Variants in LVRN observed in about 807,000 individuals in gnomAD.
LVRN encodes the protein laeverin, also known as aminopeptidase Q.
LVRN carries 99 observed loss-of-function variants against 111.4 expected under a neutral mutation model. The ratio of observed to expected loss-of-function variants is 0.89; its 90% CI spans 0.76 to 1.05. LVRN has a LOEUF of 1.05. Ranked by LOEUF, LVRN falls within the 50% of genes least tolerant of loss-of-function variation. The pLI is 0.00. For synonymous variants in LVRN, 488 were observed against 449.5 expected (o/e 1.09, Z -1.08); for missense variants, 1,414 against 1,206.8 (o/e 1.17, Z -2.54).
At chr5:115,974,137 C>G (rs1405866283) in intron 1 of LVRN, among the ~76,000 whole-genome samples, 1 of 152,170 alleles carries the variant, frequency 6.6e-6, no homozygotes, top group Non-Finnish European at 1.5e-5. Context: ...ACTACTTCAT[C>G]TAGTCTCTTT....
intron 14 of LVRN, among the ~76,000 whole-genome samples, chr5:116,012,159 G>A (rs1748504310): frequency 6.6e-6 from 1 of 151,970 alleles, no homozygotes; most frequent in Non-Finnish European, 1.5e-5. Flanking sequence ...TGTAACATTG[G>A]TATTATGGTA....
Position 115,963,037 on chromosome 5 carries a change from C to T in LVRN, c.420C>T (p.Ala140=), listed in dbSNP as rs1015662507. 1 of 1,613,524 alleles carries T rather than the reference C, an allele frequency of 6.2e-7. No homozygotes were observed. The highest frequency in any genetic ancestry group is 1.7e-5 in the Admixed American group (1 of 60,010). The change falls in exon 1 of 20, where the codon GCC becomes GCT. Residue 140 remains alanine, a synonymous_variant. Coordinates refer to ENST00000357872, the MANE Select transcript of LVRN (RefSeq NM_173800.5). The part of the protein sequence containing the change: ...RVNITVRCTV[A]TSRLLLHSLF... ...ACATCACGGTGCGCTGCACGGTGGC[C>T]ACCTCTCGACTGCTGCTGCATAGCC...
At position 116,026,107 on chromosome 5, in the gene LVRN, A is replaced by G. The variant is rs1306782292; in HGVS notation, c.2962A>G (p.Arg988Gly). 1 of 1,613,806 alleles carries G rather than the reference A, an allele frequency of 6.2e-7. No homozygotes were observed. Residue 988 changes from arginine to glycine, a missense_variant, in exon 20 of 20, where the codon AGA (arginine) becomes GGA (glycine). Transcript: ENST00000357872. ...LSARIAAWLR[R>G]NT is the part of the protein sequence containing the mutation. ...TGCCAGGATAGCTGCGTGGCTAAGG[A>G]GAAACACATAGCTTGTGGCTATCTT...
chr5:116,009,092 T>C (rs1268865406), intron 13 of LVRN, among the ~76,000 whole-genome samples: 5 of 152,206 alleles, frequency 3.3e-5, no homozygotes, highest in Non-Finnish European at 7.3e-5. Flanking sequence ...AGCTTTAAGT[T>C]GAAGCCAATG....
chr5:115,994,320 T>C (rs1340604046), intron 6 of LVRN, among the ~76,000 whole-genome samples: 2 of 152,210 alleles, frequency 1.3e-5, no homozygotes, highest in African/African-American at 4.8e-5. Context: ...TCACCCAAAC[T>C]GGAGTGTGGT....
intron 3 of LVRN, 145 bp from the exon 4 acceptor site, chr5:115,987,668 A>T: frequency 2.2e-6 from 2 of 917,324 alleles, no homozygotes; most frequent in Non-Finnish European, 3.2e-6. Context: ...TTCTCAGGAC[A>T]TGTAAGCATG....
chr5:116,002,987 G>C, intron 11 of LVRN, 76 bp downstream of exon 11: 2 of 1,258,556 alleles, frequency 1.6e-6, no homozygotes. Flanking sequence ...GAAAAGTCTA[G>C]CTTTTGAAAA....
chr5:115,972,520 GT>G (rs1316863486), intron 1 of LVRN, among the ~76,000 whole-genome samples: 2 of 151,030 alleles, frequency 1.3e-5, no homozygotes, highest in Non-Finnish European at 3.0e-5. Flanking sequence ...CTCTACATAG[GT>G]TGTCATACTG....
chr5:116,013,606 C>A (rs73263182), intron 15 of LVRN, among the ~76,000 whole-genome samples: 12,027 of 152,022 alleles, frequency 0.079, 669 homozygotes, highest in East Asian at 0.24. Flanking sequence ...TGTCTCTCAG[C>A]GGACCTCCAC....
chr5:115,996,297 T>G (rs900076204), intron 6 of LVRN, among the ~76,000 whole-genome samples: 6 of 152,370 alleles, frequency 3.9e-5, no homozygotes, highest in Middle Eastern at 3.4e-3. Context: ...TTGCAAAACT[T>G]GCCAAAAACA....
chr5:116,022,689 T>C (rs1748757152), intron 19 of LVRN, among the ~76,000 whole-genome samples: 2 of 152,362 alleles, frequency 1.3e-5, no homozygotes, highest in African/African-American at 2.4e-5. Flanking sequence ...CTCACCTGAA[T>C]GCAGGGGACT....
At chr5:115,971,291 T>C (rs1163595418) in intron 1 of LVRN, among the ~76,000 whole-genome samples, 9 of 152,332 alleles carry the variant, frequency 5.9e-5, no homozygotes, top group African/African-American at 2.2e-4. Context: ...TGTCTTTGTA[T>C]TCTTTTAATA....
At chr5:115,985,864 C>T (rs554620909) in intron 3 of LVRN, among the ~76,000 whole-genome samples, 2 of 152,318 alleles carry the variant, frequency 1.3e-5, no homozygotes, top group South Asian at 4.1e-4. Flanking sequence ...GACACGTAGA[C>T]TTCATCAAGC....
intron 1 of LVRN, among the ~76,000 whole-genome samples, chr5:115,972,473 T>C (rs1484031579): frequency 2.0e-5 from 3 of 151,846 alleles, no homozygotes; most frequent in Non-Finnish European, 4.4e-5. Flanking sequence ...TTAGCATCTT[T>C]TTATTTAAAA....
At chr5:116,022,336 A>T in intron 18 of LVRN, 55 bp from the exon 19 acceptor site, 1 of 1,231,780 alleles carries the variant, frequency 8.1e-7, no homozygotes, top group Non-Finnish European at 1.2e-6. Context: ...TATAAAATAT[A>T]GCTTTATTTT....
In LVRN at chr5:115,993,775, A is replaced by G. The variant is rs1209360629; in HGVS notation, c.1295A>G (p.Asn432Ser). 6.2e-7 allele frequency: 1 copy of G among 1,610,164 alleles called. No individual in the cohort carries two copies. The highest frequency in any genetic ancestry group is 1.3e-5 in the African/African-American group (1 of 74,844). ...FGNLVTMNWWNNIWLNEGFAS... is the reference protein window; with the variant it reads ...FGNLVTMNWWSNIWLNEGFAS... The stretch of plus-strand genomic sequence containing the variant: ...AACTTGGTTACCATGAATTGGTGGA[A>G]CAATATCTGGCTCAACGAGGGTTTT... Residue 432 changes from asparagine to serine, a missense_variant, in exon 6 of 20, where the codon AAC becomes AGC. Transcript: ENST00000357872.
At position 115,991,949 on chromosome 5, in the gene LVRN, T is replaced by A. The variant is rs79257344; in HGVS notation, c.1106-174T>A. ...TTTATGTTAACATAGTGAAAATAAT[T>A]TATTTGCTGGCTTTTGTCTTTGGCA... On this transcript the variant is annotated intron_variant, in intron 4 of 19. Transcript: ENST00000357872. Among the ~76,000 whole-genome samples, 227 of 152,316 alleles carry A rather than the reference T, an allele frequency of 1.5e-3. 4 individuals are homozygous for A. In the East Asian group the frequency reaches 0.038, roughly 26 times the overall value.
chr5:115,966,849 A>G (rs1178933763), intron 1 of LVRN, among the ~76,000 whole-genome samples: 1 of 152,226 alleles, frequency 6.6e-6, no homozygotes, highest in Non-Finnish European at 1.5e-5. Flanking sequence ...TGATAGGTGT[A>G]TGGTAATATC....
In LVRN at chr5:115,987,856, C is replaced by T. The variant is rs1352401306; in HGVS notation, c.1022C>T (p.Ala341Val). 2 of 1,613,272 alleles carry T rather than the reference C, an allele frequency of 1.2e-6. No homozygotes were observed. The highest frequency in any genetic ancestry group is 2.2e-5 in the South Asian group (2 of 90,986). ...AAAGATGCAATTGCAAATGGAAGTG[C>T]AGACTTTGCTTTGAACATCACAGGT... ...ARKDAIANGSADFALNITGPI... is the reference protein window; with the variant it reads ...ARKDAIANGSVDFALNITGPI... The change falls in exon 4 of 20, where the codon GCA becomes GTA. Residue 341 changes from alanine (A) to valine (V), a missense_variant. Physicochemically the swap from Ala to Val is moderately conservative, Grantham distance 64 (BLOSUM62 0). Transcript: ENST00000357872.
Sources: gnomAD v4.1 joint callset for allele counts (sites outside exome capture counted in the v4.1 genomes callset) on GRCh38, gnomAD v4.1.1 for gene constraint, MANE v1.5 for transcripts, NCBI Gene and HGNC (gene_info 2026-07-23, HGNC 2026-07-21) for gene names.